Variants in PLS3 observed in about 807,000 individuals in gnomAD.
The protein encoded by PLS3 is plastin-3.
A neutral mutation model predicts 46.5 loss-of-function variants in PLS3; 11 were observed. The ratio of observed to expected loss-of-function variants is 0.24; its 90% CI spans 0.15 to 0.39. PLS3 has a LOEUF of 0.39. PLS3 is among the 10% of genes least tolerant of loss of function. PLS3 has a pLI of 1.00. For missense variants in PLS3, 308 were observed against 461.8 expected (o/e 0.67, Z 3.05); for synonymous variants, 167 against 162.2 (o/e 1.03, Z -0.22).
chrX:115,607,210 C>T (rs2074502076), intron 1 of PLS3, among the ~76,000 whole-genome samples: 2 of 110,593 alleles, frequency 1.8e-5, no homozygotes, highest in Admixed American at 9.7e-5. Flanking sequence ...CGCAGTAAGC[C>T]GTGATCTCAC....
chrX:115,590,402 A>G (rs2074336694), intron 1 of PLS3, among the ~76,000 whole-genome samples: 2 of 111,453 alleles, frequency 1.8e-5, no homozygotes, highest in South Asian at 7.6e-4. Context: ...GTTCACACAC[A>G]TGCACATACA....
chrX:115,616,532 T>C lies in PLS3; in HGVS notation c.74-5714T>C, dbSNP rs2074600452. Among the ~76,000 whole-genome samples the C allele has an allele frequency of 1.8e-5, 2 of 112,261 alleles. 1 individual carries two copies. Among genetic ancestry groups the C allele is most frequent in the South Asian group, 7.4e-4 (2 of 2,702 alleles). Reference sequence around the variant, plus strand: ...TAAAATTACAAGTTAGTCTTAGAAGTAGACTAAAAGTTGTGAGCACCTGAT... The same window carrying C: ...TAAAATTACAAGTTAGTCTTAGAAGCAGACTAAAAGTTGTGAGCACCTGAT... On this transcript the variant is annotated intron_variant, in intron 2 of 15. Transcript: ENST00000355899.
chrX:115,631,595 T>G (rs782160500), intron 5 of PLS3, among the ~76,000 whole-genome samples: 2 of 110,673 alleles, frequency 1.8e-5, no homozygotes, highest in South Asian at 3.9e-4. Context: ...TAACCCAACA[T>G]GGGGTTGCAC....
At chrX:115,637,685 T>G (rs184331745) in intron 8 of PLS3, among the ~76,000 whole-genome samples, 210 of 111,843 alleles carry the variant, frequency 1.9e-3, no homozygotes, top group African/African-American at 6.4e-3. Context: ...GGAGTTCTCC[T>G]TAACTGCCTC....
At chrX:115,640,037 T>C in intron 8 of PLS3, 1 of 769,004 alleles carries the variant, frequency 1.3e-6, no homozygotes, top group Non-Finnish European at 1.9e-6. Context: ...ATAACCTGTT[T>C]ATTTTCTCTT....
chrX:115,601,924 C>T (rs1304822210), intron 1 of PLS3, among the ~76,000 whole-genome samples: 1 of 111,853 alleles, frequency 8.9e-6, no homozygotes, highest in Non-Finnish European at 1.9e-5. Flanking sequence ...TAACTTGAAT[C>T]GTCCTCACTG....
intron 1 of PLS3, among the ~76,000 whole-genome samples, chrX:115,590,887 C>T (rs2074340457): frequency 9.0e-6 from 1 of 110,756 alleles, no homozygotes; most frequent in African/African-American, 3.3e-5. Flanking sequence ...CCTTGTAATC[C>T]CAGCACTTTG....
intron 3 of PLS3, among the ~76,000 whole-genome samples, chrX:115,623,507 C>T (rs1050883617): frequency 3.6e-5 from 4 of 111,725 alleles, no homozygotes. Flanking sequence ...GGTGACAGAG[C>T]AAGACCCTGT....
At chrX:115,581,223 TAAGG>T (rs781977277) in intron 1 of PLS3, among the ~76,000 whole-genome samples, 1 of 112,123 alleles carries the variant, frequency 8.9e-6, no homozygotes, top group South Asian at 3.7e-4. Context: ...TGTTTTGCCT[TAAGG>T]AAAGTATGGT....
At chrX:115,569,169 A>G (rs1003896627) in intron 1 of PLS3, among the ~76,000 whole-genome samples, 5 of 111,654 alleles carry the variant, frequency 4.5e-5, no homozygotes, top group Non-Finnish European at 9.4e-5. Flanking sequence ...GTTTTCTCTG[A>G]TCTAGTTAGC....
intron 1 of PLS3, among the ~76,000 whole-genome samples, chrX:115,583,289 C>G (rs1213991696): frequency 8.9e-6 from 1 of 112,347 alleles, no homozygotes; most frequent in Non-Finnish European, 1.9e-5. Context: ...AAGGTTCCCT[C>G]CCACCCCAAA....
chrX:115,595,314 T>A (rs1237625934), intron 1 of PLS3, among the ~76,000 whole-genome samples: 1 of 111,756 alleles, frequency 8.9e-6, no homozygotes, highest in African/African-American at 3.2e-5. Context: ...CTCATAGATA[T>A]TGGTACTGAA....
chrX:115,637,160 T>C (rs1280422488), intron 8 of PLS3, among the ~76,000 whole-genome samples, 182 bp downstream of exon 8: 2 of 112,108 alleles, frequency 1.8e-5, no homozygotes, highest in African/African-American at 6.5e-5. Flanking sequence ...TGTTTTATTT[T>C]GTGGGAAAAG....
At chrX:115,621,305 G>A (rs897975079) in intron 2 of PLS3, among the ~76,000 whole-genome samples, 3 of 112,574 alleles carry the variant, frequency 2.7e-5, no homozygotes, top group Admixed American at 9.4e-5. Flanking sequence ...GTGAGCCACC[G>A]TGCCCGGCCA....
chrX:115,649,066 A>G (rs1203775319), intron 15 of PLS3, among the ~76,000 whole-genome samples: 1 of 111,745 alleles, frequency 8.9e-6, no homozygotes, highest in Non-Finnish European at 1.9e-5. Context: ...TCATATCTCT[A>G]AGATGACTTG....
intron 3 of PLS3, among the ~76,000 whole-genome samples, chrX:115,623,622 T>C (rs782599082): frequency 1.8e-5 from 2 of 112,126 alleles, no homozygotes; most frequent in Non-Finnish European, 3.8e-5. Context: ...TTATTATTAA[T>C]TTAAGGCTGA....
chrX:115,620,292 A>C (rs1316253917), intron 2 of PLS3, among the ~76,000 whole-genome samples: 2 of 110,966 alleles, frequency 1.8e-5, no homozygotes, highest in African/African-American at 6.6e-5. Context: ...CACCAGACAC[A>C]CTGCAGCATC....
At chrX:115,612,675 C>T (rs1288570747) in intron 2 of PLS3, among the ~76,000 whole-genome samples, 3 of 111,178 alleles carry the variant, frequency 2.7e-5, no homozygotes, top group Admixed American at 9.6e-5. Flanking sequence ...AAAATCATAG[C>T]GTGTGGAGAA....
chrX:115,584,130 T>G (rs1556632143), intron 1 of PLS3, among the ~76,000 whole-genome samples: 1 of 112,058 alleles, frequency 8.9e-6, no homozygotes, highest in African/African-American at 3.2e-5. Context: ...AGATGCCTTT[T>G]ATCCTTATTT....
Sources: allele counts gnomAD v4.1 joint callset (sites outside exome capture counted in the v4.1 genomes callset), GRCh38; gene constraint gnomAD v4.1.1; transcripts MANE v1.5; gene names NCBI Gene and HGNC (gene_info 2026-07-23, HGNC 2026-07-21).